Variants in SUPV3L1 observed in about 807,000 individuals in gnomAD.
SUPV3L1 encodes the protein Suv3 like RNA helicase.
Under a neutral mutation model 70.0 loss-of-function variants are expected in SUPV3L1, and 35 were observed. That is an observed-to-expected ratio of 0.50 (90% CI 0.38 to 0.66). SUPV3L1 has a LOEUF of 0.66. SUPV3L1 is among the 30% of genes least tolerant of loss of function. SUPV3L1 has a pLI of 0.00. For synonymous variants in SUPV3L1, 364 were observed against 341.9 expected (o/e 1.06, Z -0.71); for missense variants, 777 against 961.5 (o/e 0.81, Z 2.54).
rs115975976 is a variant in SUPV3L1 at position 69,187,204 on chromosome 10, A to G, written c.458-438A>G. 4.7e-3 allele frequency among the ~76,000 whole-genome samples: 718 copies of G among 152,226 alleles called. 13 individuals are homozygous for G. Among genetic ancestry groups the G allele is most frequent in the African/African-American group, 0.017 (702 of 41,518 alleles). On this transcript the variant is annotated intron_variant, in intron 3 of 14. Transcript: ENST00000359655. ...TGCTAATCTTTGCCTGTTTGTACTA[A>G]AGGAGTAGGACGTGGTGGTTGCTAG...
chr10:69,206,010 C>CTGGA (rs57176107), intron 13 of SUPV3L1, among the ~76,000 whole-genome samples: 6,502 of 150,918 alleles, frequency 0.043, 167 homozygotes, highest in Non-Finnish European at 0.055. Context: ...GGGCCAGCTG[C>CTGGA]TGGATGGATG....
intron 1 of SUPV3L1, 115 bp downstream of exon 1, chr10:69,180,677 A>G: frequency 9.9e-6 from 14 of 1,408,372 alleles, no homozygotes; most frequent in Non-Finnish European, 1.2e-5. Context: ...GAGTGTTGTC[A>G]TCGTGCCTCT....
chr10:69,180,254 C>T lies in SUPV3L1; in HGVS notation c.-38C>T. Reference sequence around the variant, plus strand: ...TGCGCGTCACTGTCCGCCGCCGTGTCCGCGGCTGCGCCAGACAGTGTAGAA... The same window carrying T: ...TGCGCGTCACTGTCCGCCGCCGTGTTCGCGGCTGCGCCAGACAGTGTAGAA... On this transcript the variant is annotated 5_prime_UTR_variant, in exon 1 of 15. Transcript: ENST00000359655. The T allele has an allele frequency of 1.3e-6, 2 of 1,588,246 alleles. No individual in the cohort carries two copies. The highest frequency in any genetic ancestry group is 2.3e-5 in the East Asian group (1 of 44,422).
chr10:69,189,649 T>TTC (rs1295898399), intron 5 of SUPV3L1, among the ~76,000 whole-genome samples: 2 of 148,122 alleles, frequency 1.4e-5, no homozygotes, highest in Admixed American at 1.3e-4. Context: ...ATCAATTCTT[T>TTC]TTTTTTTTTT....
chr10:69,200,117 G>A (rs1842647070), intron 10 of SUPV3L1, among the ~76,000 whole-genome samples, 163 bp from the exon 11 acceptor site: 1 of 152,168 alleles, frequency 6.6e-6, no homozygotes, highest in South Asian at 2.1e-4. Flanking sequence ...AAAGTGCTGG[G>A]ATTATGGGTG....
chr10:69,204,711 C>G (rs1363510775), intron 13 of SUPV3L1, among the ~76,000 whole-genome samples: 1 of 151,924 alleles, frequency 6.6e-6, no homozygotes, highest in Admixed American at 6.6e-5. Flanking sequence ...TTGCGTTTGC[C>G]TATGTGCATG....
chr10:69,180,669 G>A, intron 1 of SUPV3L1, 107 bp downstream of exon 1: 1 of 1,469,770 alleles, frequency 6.8e-7, no homozygotes, highest in Non-Finnish European at 9.2e-7. Flanking sequence ...GTCCCATCGA[G>A]TGTTGTCATC....
intron 1 of SUPV3L1, 94 bp from the exon 2 acceptor site, chr10:69,185,893 G>C (rs1009109772): frequency 7.9e-6 from 7 of 886,610 alleles, no homozygotes; most frequent in Non-Finnish European, 1.3e-5. Flanking sequence ...TCATTAGACT[G>C]CTGCCTTTAG....
intron 1 of SUPV3L1, among the ~76,000 whole-genome samples, chr10:69,185,271 G>C (rs1842187839): frequency 6.6e-6 from 1 of 152,154 alleles, no homozygotes; most frequent in South Asian, 2.1e-4. Context: ...CTTAACATCA[G>C]CGTGGCTTCC....
chr10:69,198,536 TG>T lies in SUPV3L1; in HGVS notation c.1190del (p.Gly397AlafsTer37). 6.2e-7 allele frequency: 1 copy of T among 1,613,900 alleles called. No homozygotes were observed. The highest frequency in any genetic ancestry group is 8.5e-7 in the Non-Finnish European group (1 of 1,179,958). ...GGGGATTAGAATCAGCTGTTATATA[TG>T]GCAGTCTCCCACCTGGTAATTATTG... ...IRGLESAVIY[G>X]SLPPGTKLAQ... On this transcript the variant is annotated frameshift_variant, in exon 9 of 15. Coordinates refer to ENST00000359655, the MANE Select transcript of SUPV3L1 (RefSeq NM_003171.5). LOFTEE classifies it high-confidence loss of function.
rs745847385 is a variant in SUPV3L1 at position 69,200,364 on chromosome 10, C to T, written c.1383C>T (p.Thr461=). The T allele has an allele frequency of 3.3e-5, 53 of 1,614,058 alleles. No individual in the cohort carries two copies. Among genetic ancestry groups the T allele is most frequent in the Non-Finnish European group, 4.4e-5 (52 of 1,180,040 alleles). Residue 461 remains threonine, a synonymous_variant, in exon 11 of 15, where the codon ACC becomes ACT. Transcript: ENST00000359655. ...AGAGAGAACTAGAACCAATCACAAC[C>T]TCTCAAGCCCTGCAGATTGCTGGCA... is the stretch of plus-strand genomic sequence containing the variant. ...KGERELEPIT[T]SQALQIAGRA... is the part of the protein sequence containing the mutation.
rs1842728681 is a variant in SUPV3L1 at position 69,203,148 on chromosome 10, A to G, written c.1776+105A>G. On this transcript the variant is annotated intron_variant, in intron 13 of 14. Coordinates refer to ENST00000359655, the MANE Select transcript of SUPV3L1 (RefSeq NM_003171.5). ...AAAATAATTACAAGAGTATTCAGTA[A>G]TATGAGAGACTTTGTAAAAACTTAA... 4 of 1,260,002 alleles carry G rather than the reference A, an allele frequency of 3.2e-6. No individual in the cohort carries two copies. In the Admixed American group the frequency reaches 7.5e-5, roughly 24 times the overall value. The allele number at this position is 1,260,002 out of a possible 1,614,324, so 78.1% of individuals were successfully genotyped here.
intron 13 of SUPV3L1, 51 bp downstream of exon 13, chr10:69,203,094 T>G (rs749615998): frequency 1.3e-6 from 2 of 1,529,698 alleles, no homozygotes; most frequent in Admixed American, 4.0e-5. Context: ...TGATGCAGGT[T>G]CCCCAAACAG....
chr10:69,187,841 A>G, intron 4 of SUPV3L1, 85 bp downstream of exon 4: 1 of 895,532 alleles, frequency 1.1e-6, no homozygotes. Context: ...ATTGTATTCT[A>G]GATAACAAAT....
At position 69,187,665 on chromosome 10, in the gene SUPV3L1, T is replaced by A. The variant is rs141575091; in HGVS notation, c.481T>A (p.Phe161Ile). The A allele has an allele frequency of 6.9e-5, 111 of 1,611,150 alleles. No homozygotes were observed. Among genetic ancestry groups the A allele is most frequent in the Non-Finnish European group, 8.7e-5 (103 of 1,178,942 alleles). The change falls in exon 4 of 15, where the codon TTT becomes ATT. Residue 161 changes from phenylalanine (F) to isoleucine (I), a missense_variant. By Grantham distance (21) the Phe-to-Ile change is conservative. Coordinates refer to ENST00000359655, the MANE Select transcript of SUPV3L1 (RefSeq NM_003171.5). ...GAAHADDLFP[F>I]FLRHAKQIFP... is the part of the protein sequence containing the mutation. ...AGCTCATGCGGATGATTTATTCCCATTTTTCTTGAGACATGCCAAACAAAT... is the reference window on the plus strand; with the variant it reads ...AGCTCATGCGGATGATTTATTCCCAATTTTCTTGAGACATGCCAAACAAAT...
intron 6 of SUPV3L1, chr10:69,192,887 A>T (rs561986454): frequency 6.6e-6 from 1 of 152,076 alleles, no homozygotes; most frequent in African/African-American, 2.4e-5. Flanking sequence ...TTATTAATAA[A>T]TTTTTTGTGG....
intron 2 of SUPV3L1, 118 bp from the exon 3 acceptor site, chr10:69,186,325 C>CAAAAAAAAAAAA (rs34197871): frequency 6.0e-5 from 24 of 400,296 alleles, no homozygotes; most frequent in South Asian, 1.9e-4. Context: ...GCTGTACTGC[C>CAAAAAAAAAAAA]AAAAAAAAAA....
chr10:69,182,549 T>G, intron 1 of SUPV3L1: 1 of 985,420 alleles, frequency 1.0e-6, no homozygotes, highest in Non-Finnish European at 1.2e-6. Context: ...AATGTAAATG[T>G]CTTTGCTGCT....
intron 7 of SUPV3L1, among the ~76,000 whole-genome samples, chr10:69,196,413 C>G (rs1842543544): frequency 6.6e-6 from 1 of 151,814 alleles, no homozygotes; most frequent in South Asian, 2.1e-4. Context: ...ATCACTTGAG[C>G]CTGGAAAGGA....
Sources: gnomAD v4.1 joint callset for allele counts (sites outside exome capture counted in the v4.1 genomes callset) on GRCh38, gnomAD v4.1.1 for gene constraint, MANE v1.5 for transcripts, NCBI Gene and HGNC (gene_info 2026-07-23, HGNC 2026-07-21) for gene names.